Variants in SRP72 observed in about 807,000 individuals in gnomAD.
The protein encoded by SRP72 is signal recognition particle subunit SRP72.
Under a neutral mutation model 96.3 loss-of-function variants are expected in SRP72, and 49 were observed. The ratio of observed to expected loss-of-function variants is 0.51; its 90% confidence interval spans 0.40 to 0.65. SRP72 has a LOEUF of 0.65. Ranked by LOEUF, SRP72 falls within the 30% of genes least tolerant of loss-of-function variation. SRP72 has a pLI of 0.00. For synonymous variants in SRP72, 267 were observed against 275.2 expected (o/e 0.97, Z 0.30); for missense variants, 736 against 793.3 (o/e 0.93, Z 0.87).
Position 56,489,513 on chromosome 4 carries a change from G to A in SRP72, c.1320+30G>A, listed in dbSNP as rs770311283. ...ATAAATGGAGTAAAATGTTATGAGA[G>A]CATGTTTTTACATAAAAATAAAGAT... On this transcript the variant is annotated intron_variant, in intron 13 of 18. Transcript: ENST00000642900. 1.8e-5 allele frequency: 25 copies of A among 1,362,374 alleles called. No homozygotes were observed. The South Asian group carries it at 3.2e-4, about 17-fold the overall frequency. 84.4% of individuals were successfully genotyped at this position (1,362,374 alleles called of 1,614,324 possible).
rs1458821016 is a variant in SRP72 at position 56,491,616 on chromosome 4, C to T, written c.1640+48C>T. 7 of 1,544,306 alleles carry T rather than the reference C, an allele frequency of 4.5e-6. No individual in the cohort carries two copies. The African/African-American group carries it at 8.2e-5, about 18-fold the overall frequency. On this transcript the variant is annotated intron_variant, in intron 16 of 18. Coordinates refer to ENST00000642900, the MANE Select transcript of SRP72 (RefSeq NM_006947.4). ...TCTCTAATGCTGATTTTAAATTAGA[C>T]AAGGAATAAAAAATACATTCTCATA... is the stretch of plus-strand genomic sequence containing the variant.
At chr4:56,470,051 T>G (rs1169613776) in intron 2 of SRP72, among the ~76,000 whole-genome samples, 1 of 148,470 alleles carries the variant, frequency 6.7e-6, no homozygotes, top group Non-Finnish European at 1.5e-5. Context: ...GGGGCATAAT[T>G]ATGAGTCGTT....
In SRP72 at chr4:56,500,833, T is replaced by C. The variant is rs574805182; in HGVS notation, c.1838+138T>C. ...TTGATAAATGTTTATACTACACTTATGCAAATGAAAGAAAATATATTGCCT... is the reference window on the plus strand; with the variant it reads ...TTGATAAATGTTTATACTACACTTACGCAAATGAAAGAAAATATATTGCCT... On this transcript the variant is annotated intron_variant, in intron 18 of 18. Coordinates refer to ENST00000642900, the MANE Select transcript of SRP72 (RefSeq NM_006947.4). 1.9e-4 allele frequency: 157 copies of C among 822,382 alleles called. No homozygotes were observed. In the African/African-American group the frequency reaches 2.2e-3, roughly 12 times the overall value. The allele number at this position is 822,382 out of a possible 1,614,324, so 50.9% of individuals were successfully genotyped here.
intron 17 of SRP72, among the ~76,000 whole-genome samples, chr4:56,499,266 C>G (rs1312893834): frequency 6.6e-6 from 1 of 152,108 alleles, no homozygotes; most frequent in African/African-American, 2.4e-5. Context: ...GACCTAAAAC[C>G]ATAAAAACCC....
chr4:56,474,965 G>A (rs573302349), intron 5 of SRP72, among the ~76,000 whole-genome samples: 6 of 152,274 alleles, frequency 3.9e-5, no homozygotes, highest in African/African-American at 1.2e-4. Flanking sequence ...GATTACAGCC[G>A]TGAGCCACTG....
chr4:56,478,172 T>A (rs1720324692), intron 6 of SRP72, among the ~76,000 whole-genome samples: 1 of 147,154 alleles, frequency 6.8e-6, no homozygotes, highest in Non-Finnish European at 1.5e-5. Flanking sequence ...TTTTTTTTTC[T>A]TTAGATACTT....
At chr4:56,494,155 G>A (rs553243913) in intron 16 of SRP72, among the ~76,000 whole-genome samples, 6 of 145,462 alleles carry the variant, frequency 4.1e-5, no homozygotes, top group African/African-American at 1.5e-4. Flanking sequence ...TTTGTAGGGA[G>A]ACAATTTAGA....
intron 17 of SRP72, among the ~76,000 whole-genome samples, chr4:56,496,540 A>C (rs902166360): frequency 6.6e-6 from 1 of 152,228 alleles, no homozygotes; most frequent in African/African-American, 2.4e-5. Context: ...TGTAGGTGGT[A>C]ATAACCTAAA....
chr4:56,498,955 G>T (rs1299488478), intron 17 of SRP72, among the ~76,000 whole-genome samples: 1 of 152,156 alleles, frequency 6.6e-6, no homozygotes, highest in Non-Finnish European at 1.5e-5. Flanking sequence ...AACCCATATA[G>T]CCAAGACAGT....
chr4:56,484,866 T>G lies in SRP72; in HGVS notation c.1086+2T>G. The G allele has an allele frequency of 6.2e-7, 1 of 1,607,256 alleles. No homozygotes were observed. Among genetic ancestry groups the G allele is most frequent in the Non-Finnish European group, 8.5e-7 (1 of 1,178,642 alleles). On this transcript the variant is annotated splice_donor_variant, in intron 10 of 18. Coordinates refer to ENST00000642900, the MANE Select transcript of SRP72 (RefSeq NM_006947.4). LOFTEE classifies it high-confidence loss of function. ...ACAAAAGCAATAGAGCTGCTTCAGG[T>G]AAAATAATTACTTGAATGAGGTGTC... is the stretch of plus-strand genomic sequence containing the variant.
intron 15 of SRP72, among the ~76,000 whole-genome samples, chr4:56,491,200 T>C (rs1220089540): frequency 6.6e-6 from 1 of 152,234 alleles, no homozygotes; most frequent in Non-Finnish European, 1.5e-5. Flanking sequence ...TGTTAAGGAA[T>C]AGAGAATTAG....
At chr4:56,484,908 G>T (rs1720647816) in intron 10 of SRP72, 44 bp downstream of exon 10, 1 of 1,590,606 alleles carries the variant, frequency 6.3e-7, no homozygotes, top group East Asian at 2.2e-5. Context: ...TTGCAGCTTT[G>T]TTTCATTTTC....
chr4:56,481,270 GA>G (rs1380334938), intron 8 of SRP72, among the ~76,000 whole-genome samples: 2 of 152,076 alleles, frequency 1.3e-5, no homozygotes, highest in African/African-American at 4.8e-5. Flanking sequence ...ACTGGTAGAA[GA>G]CCTGGTTTAA....
chr4:56,495,167 T>G, intron 16 of SRP72, 190 bp from the exon 17 acceptor site: 1 of 373,102 alleles, frequency 2.7e-6, no homozygotes, highest in Non-Finnish European at 4.9e-6. Flanking sequence ...TTCCAAAAAT[T>G]ATAGTATCTG....
rs539665243 is a variant in SRP72 at position 56,484,026 on chromosome 4, ATTTTTT to A, written c.958-690_958-685del. 8.0e-3 allele frequency among the ~76,000 whole-genome samples: 692 copies of A among 86,608 alleles called. 13 individuals carry two copies. The highest frequency in any genetic ancestry group is 0.058 in the South Asian group (136 of 2,344). The allele number at this position is 86,608 out of a possible 152,430, so 56.8% of individuals were successfully genotyped here. ...TTTAGTGGGAGACAGAGAAGCAGTA[ATTTTTT>A]TTTTTTTTTTTTTTTTTTTGAGATG... On this transcript the variant is annotated intron_variant, in intron 9 of 18. Coordinates refer to ENST00000642900, the MANE Select transcript of SRP72 (RefSeq NM_006947.4).
chr4:56,485,054 A>T (rs1412115267), intron 10 of SRP72, among the ~76,000 whole-genome samples, 190 bp downstream of exon 10: 1 of 152,186 alleles, frequency 6.6e-6, no homozygotes, highest in Non-Finnish European at 1.5e-5. Flanking sequence ...TGTGTTATAT[A>T]AATTTCTATA....
chr4:56,498,255 C>T (rs1289223613), intron 17 of SRP72, among the ~76,000 whole-genome samples: 2 of 152,046 alleles, frequency 1.3e-5, no homozygotes, highest in South Asian at 2.1e-4. Context: ...CAATAAACTA[C>T]GTATTGATGG....
At chr4:56,485,633 T>G (rs1350804651) in intron 10 of SRP72, among the ~76,000 whole-genome samples, 2 of 152,002 alleles carry the variant, frequency 1.3e-5, no homozygotes, top group Admixed American at 6.6e-5. Flanking sequence ...AAACCCCATC[T>G]CTACTAAAAA....
chr4:56,501,593 T>C (rs1721263486), intron 18 of SRP72, 91 bp from the exon 19 acceptor site: 1 of 1,092,656 alleles, frequency 9.2e-7, no homozygotes, highest in Non-Finnish European at 1.3e-6. Flanking sequence ...GGGAGATTGT[T>C]AAGTGTGATA....
Sources: gnomAD v4.1 joint callset for allele counts (sites outside exome capture counted in the v4.1 genomes callset) on GRCh38, gnomAD v4.1.1 for gene constraint, MANE v1.5 for transcripts, NCBI Gene and HGNC (gene_info 2026-07-23, HGNC 2026-07-21) for gene names.